LANCL3: variants seen among roughly 807,000 people sequenced by gnomAD.
LANCL3 encodes the protein lanC-like protein 3.
Under a neutral mutation model 26.5 loss-of-function variants are expected in LANCL3, and 19 were observed. That is an observed-to-expected ratio of 0.72 (90% CI 0.50 to 1.05). The LOEUF is 1.05. LANCL3 is among the 50% of genes least tolerant of loss of function. LANCL3 has a pLI of 0.00. For synonymous variants in LANCL3, 160 were observed against 166.6 expected (o/e 0.96, Z 0.30); for missense variants, 318 against 362.7 (o/e 0.88, Z 1.00).
chrX:37,572,509 G>A, intron 1 of LANCL3, 66 bp downstream of exon 1: 1 of 985,946 alleles, frequency 1.0e-6, no homozygotes, highest in Non-Finnish European at 1.4e-6. Context: ...CCCGGACTCC[G>A]TGGCTCGGGC....
chrX:37,632,756 G>T (rs1209725219), intron 1 of LANCL3, among the ~76,000 whole-genome samples: 14 of 110,289 alleles, frequency 1.3e-4, no homozygotes, highest in Admixed American at 3.9e-4. Flanking sequence ...GAAAATTCTT[G>T]TCTTTAAGAA....
intron 1 of LANCL3, among the ~76,000 whole-genome samples, chrX:37,627,327 T>G (rs1465008729): frequency 8.9e-6 from 1 of 111,816 alleles, no homozygotes; most frequent in East Asian, 2.8e-4. Flanking sequence ...CAGCGAGATC[T>G]GAACTGATTG....
intron 1 of LANCL3, among the ~76,000 whole-genome samples, chrX:37,588,184 T>C (rs1168611545): frequency 1.8e-5 from 2 of 112,094 alleles, no homozygotes; most frequent in Non-Finnish European, 3.8e-5. Context: ...ACACTTTTGC[T>C]GGTTAATTTA....
At chrX:37,659,997 A>G (rs1926378857) in intron 3 of LANCL3, among the ~76,000 whole-genome samples, 1 of 111,890 alleles carries the variant, frequency 8.9e-6, no homozygotes, top group Non-Finnish European at 1.9e-5. Flanking sequence ...AATATATATT[A>G]TAGTTCCCAG....
intron 1 of LANCL3, among the ~76,000 whole-genome samples, chrX:37,578,444 T>C (rs1299247257): frequency 3.6e-5 from 4 of 112,231 alleles, no homozygotes; most frequent in Non-Finnish European, 7.5e-5. Context: ...TTTCATCTCT[T>C]TGGTGTTTCT....
chrX:37,637,849 G>A (rs1925748101), intron 1 of LANCL3, among the ~76,000 whole-genome samples: 1 of 110,620 alleles, frequency 9.0e-6, no homozygotes, highest in African/African-American at 3.3e-5. Context: ...TCCTCTCGGT[G>A]GATCATTGCA....
intron 2 of LANCL3, among the ~76,000 whole-genome samples, chrX:37,656,858 A>G (rs1050091780): frequency 1.2e-4 from 14 of 113,086 alleles, no homozygotes; most frequent in African/African-American, 4.2e-4. Context: ...GAGTTTTCTC[A>G]AAGAAATTTT....
rs145775493 is a variant in LANCL3 at position 37,626,463 on chromosome X, G to A, written c.574-29225G>A. 1.6e-3 allele frequency among the ~76,000 whole-genome samples: 176 copies of A among 112,115 alleles called. 1 individual carries two copies. The highest frequency in any genetic ancestry group is 5.3e-3 in the African/African-American group (164 of 30,880). ...AGGAAGCAAACCATTTATTCACTAAGCAAGTATTGAGCACCTGAAATCATT... is the reference window on the plus strand; with the variant it reads ...AGGAAGCAAACCATTTATTCACTAAACAAGTATTGAGCACCTGAAATCATT... On this transcript the variant is annotated intron_variant, in intron 1 of 4. Coordinates refer to ENST00000378619, the MANE Select transcript of LANCL3 (RefSeq NM_001170331.2).
rs1556415866 is a variant in LANCL3 at position 37,572,527 on chromosome X, TC to T, written c.573+87del. 40 of 818,213 alleles carry T rather than the reference TC, an allele frequency of 4.9e-5. No homozygotes were observed. In the African/African-American group the frequency reaches 7.1e-4, roughly 14 times the overall value. 67.4% of individuals were successfully genotyped at this position (818,213 alleles called of 1,213,427 possible). ...GGACTCCGTGGCTCGGGCAGCACTG[TC>T]CCGAGTTGCTCTCCAAGTCTTTGTT... On this transcript the variant is annotated intron_variant, in intron 1 of 4. Coordinates refer to ENST00000378619, the MANE Select transcript of LANCL3 (RefSeq NM_001170331.2).
intron 1 of LANCL3, among the ~76,000 whole-genome samples, chrX:37,587,086 C>T (rs1419163249): frequency 8.9e-6 from 1 of 112,723 alleles, no homozygotes. Flanking sequence ...GCCTGGGTAT[C>T]AGCAGCAGAG....
At chrX:37,647,533 G>A (rs782278213) in intron 1 of LANCL3, among the ~76,000 whole-genome samples, 10 of 112,128 alleles carry the variant, frequency 8.9e-5, no homozygotes, top group Non-Finnish European at 1.7e-4. Context: ...ATGAGGCAAA[G>A]GATTGGGTGA....
chrX:37,594,692 A>AT (rs1360250142), intron 1 of LANCL3, among the ~76,000 whole-genome samples: 9 of 112,017 alleles, frequency 8.0e-5, no homozygotes, highest in African/African-American at 2.9e-4. Context: ...CTGAATGGCA[A>AT]TTGTTTTTGT....
intron 1 of LANCL3, among the ~76,000 whole-genome samples, chrX:37,624,667 A>T (rs1485856703): frequency 2.7e-5 from 3 of 112,100 alleles, no homozygotes; most frequent in Admixed American, 9.5e-5. Flanking sequence ...TGTCAGACAC[A>T]TTTATTTAGT....
At chrX:37,621,027 T>A (rs782787906) in intron 1 of LANCL3, among the ~76,000 whole-genome samples, 1 of 111,601 alleles carries the variant, frequency 9.0e-6, no homozygotes, top group African/African-American at 3.3e-5. Flanking sequence ...TCTCCACAGA[T>A]CACATCCTTG....
At chrX:37,670,394 T>C (rs1926652976) in intron 4 of LANCL3, among the ~76,000 whole-genome samples, 2 of 111,827 alleles carry the variant, frequency 1.8e-5, no homozygotes, top group South Asian at 3.7e-4. Context: ...TTTTCTGTTA[T>C]GCTTAAAAAG....
chrX:37,578,430 C>T (rs1342739600), intron 1 of LANCL3, among the ~76,000 whole-genome samples: 1 of 112,250 alleles, frequency 8.9e-6, no homozygotes, highest in Admixed American at 9.4e-5. Context: ...TTTATCCATT[C>T]GCTTTTCATC....
At position 37,683,082 on chromosome X, in the gene LANCL3, G is replaced by T. The variant is rs1926976717; in HGVS notation, c.*7269G>T. On this transcript the variant is annotated 3_prime_UTR_variant, in exon 5 of 5. Transcript: ENST00000378619. Reference sequence around the variant, plus strand: ...ATACTGGGTCAAGCACCACATGTTAGTTTTGGAATGTGTATTTCCCAGCGA... The same window carrying T: ...ATACTGGGTCAAGCACCACATGTTATTTTTGGAATGTGTATTTCCCAGCGA... 1 of 111,890 alleles carries T rather than the reference G, an allele frequency of 8.9e-6. No homozygotes were observed. The highest frequency in any genetic ancestry group is 3.3e-5 in the African/African-American group (1 of 30,742). 9.2% of individuals were successfully genotyped at this position (111,890 alleles called of 1,213,427 possible). A position where few individuals can be genotyped will look rare whatever the true frequency, so the allele number is the denominator to read the frequency against.
intron 1 of LANCL3, among the ~76,000 whole-genome samples, chrX:37,654,370 A>T (rs781784944): frequency 8.9e-6 from 1 of 112,644 alleles, no homozygotes; most frequent in South Asian, 3.7e-4. Context: ...GGAAAATTAA[A>T]TGTGTCAGTT....
chrX:37,638,535 A>G (rs1337714944), intron 1 of LANCL3, among the ~76,000 whole-genome samples: 1 of 112,080 alleles, frequency 8.9e-6, no homozygotes, highest in Non-Finnish European at 1.9e-5. Context: ...GGGCCTTGAC[A>G]TTCAGACAAA....
Sources: allele counts gnomAD v4.1 joint callset (sites outside exome capture counted in the v4.1 genomes callset), GRCh38; gene constraint gnomAD v4.1.1; transcripts MANE v1.5; gene names NCBI Gene and HGNC (gene_info 2026-07-23, HGNC 2026-07-21).